SP3: variants seen among roughly 807,000 people sequenced by gnomAD.
SP3 encodes the protein Sp3 transcription factor, also known as transcription factor Sp3.
A neutral mutation model predicts 70.3 loss-of-function variants in SP3; 10 were observed. That is an observed-to-expected ratio of 0.14 (90% CI 0.09 to 0.24). The LOEUF (loss-of-function observed/expected upper bound fraction) is 0.24. Among genes scored for constraint, SP3 ranks in the 10% least tolerant of loss-of-function variants. The probability of loss-of-function intolerance (pLI) is 1.00; values close to 1 mark genes in which losing one functional copy is unlikely to be tolerated. For synonymous variants in SP3, 402 were observed against 333.5 expected, an observed-to-expected ratio of 1.21 and a Z score of -2.24; for missense variants, 825 against 914.6, an observed-to-expected ratio of 0.90 and a Z score of 1.26.
rs1440463270 is a variant in SP3, at chr2:173,931,045, CAT to C, written c.1640-12262_1640-12261del. Among the ~76,000 whole-genome samples, 17 of 152,230 alleles carry C rather than the reference CAT, an allele frequency of 1.1e-4. No homozygotes were observed. In the East Asian group the frequency reaches 2.9e-3, roughly 26 times the overall value. On this transcript the variant is annotated intron_variant, in intron 4 of 6. Transcript: ENST00000310015. ...CACACATTTTTTTGGTTTCCCAGTA[CAT>C]ATGTTTATACTATACTGCAGTCTAT...
rs550546168 is a variant in SP3, at chr2:173,912,917, T to C, written c.2029+153A>G. ...CTGACTTGTTCTTTGGAATTTGTGT[T>C]ATTAAGATGGTGTTACTAAAGGTAA... On this transcript the variant is annotated intron_variant, in intron 6 of 6. Coordinates refer to ENST00000310015, the MANE Select transcript of SP3 (RefSeq NM_003111.5). Among the ~76,000 whole-genome samples, 221 of 152,274 alleles carry C rather than the reference T, an allele frequency of 1.5e-3. 1 individual carries two copies. The highest frequency in any genetic ancestry group is 2.5e-3 in the Non-Finnish European group (170 of 68,022).
At chr2:173,938,198 T>C (rs1021435411) in intron 4 of SP3, among the ~76,000 whole-genome samples, 6 of 152,156 alleles carry the variant, frequency 3.9e-5, no homozygotes, top group Non-Finnish European at 7.3e-5. Flanking sequence ...TGAACAAAGT[T>C]ATAATCCCAG....
chr2:173,937,399 A>T (rs1301455168), intron 4 of SP3, among the ~76,000 whole-genome samples: 1 of 152,190 alleles, frequency 6.6e-6, no homozygotes, highest in African/African-American at 2.4e-5. Context: ...TCAAAACTTC[A>T]TCTTCAAGGC....
chr2:173,951,213 C>A (rs2105493714), intron 4 of SP3, among the ~76,000 whole-genome samples: 1 of 152,268 alleles, frequency 6.6e-6, no homozygotes, highest in African/African-American at 2.4e-5. Flanking sequence ...ATTTTGTACA[C>A]ACATTAAAAA....
intron 3 of SP3, among the ~76,000 whole-genome samples, chr2:173,958,618 G>T (rs1355052309): frequency 6.9e-6 from 1 of 145,266 alleles, no homozygotes; most frequent in Non-Finnish European, 1.5e-5. Flanking sequence ...TTAAGGAAAA[G>T]AATCAAGCAA....
rs1445785953 is a variant in SP3, at chr2:173,904,435, C to G, written c.*5506G>C. Among the ~76,000 whole-genome samples the G allele has an allele frequency of 6.6e-6, 1 of 152,166 alleles. No homozygotes were observed. Among genetic ancestry groups the G allele is most frequent in the Non-Finnish European group, 1.5e-5 (1 of 68,026 alleles). On this transcript the variant is annotated 3_prime_UTR_variant, in exon 7 of 7. Transcript: ENST00000310015. Reference sequence around the variant, plus strand: ...AAGAAAAAACTAAGTTGGGGAGTCTCTCTGTAAGGTTTTAAGGCTATCTTG... The same window carrying G: ...AAGAAAAAACTAAGTTGGGGAGTCTGTCTGTAAGGTTTTAAGGCTATCTTG...
At chr2:173,926,472 T>C (rs1291654671) in intron 4 of SP3, among the ~76,000 whole-genome samples, 1 of 151,896 alleles carries the variant, frequency 6.6e-6, no homozygotes, top group Non-Finnish European at 1.5e-5. Flanking sequence ...AAAAGCCCTG[T>C]CTTTCAACAG....
At position 173,963,830 on chromosome 2, in the gene SP3, C is replaced by T. The variant is rs761774120; in HGVS notation, c.210G>A (p.Gly70=). The T allele has an allele frequency of 1.3e-6, 2 of 1,494,478 alleles. No individual in the cohort carries two copies. The highest frequency in any genetic ancestry group is 1.8e-6 in the Non-Finnish European group (2 of 1,116,908). The allele number at this position is 1,494,478 out of a possible 1,614,324, so 92.6% of individuals were successfully genotyped here. The change falls in exon 3 of 7, where the codon GGG becomes GGA. Residue 70 remains glycine (G), a synonymous_variant. Coordinates refer to ENST00000310015, the MANE Select transcript of SP3 (RefSeq NM_003111.5). ...ALLAATCSKI[G]PPSPGDDEEE... is the part of the protein sequence containing the mutation. Reference sequence around the variant, plus strand: ...CCTCGTCGTCGCCCGGCGATGGCGGCCCTATCTTGCTGCAGGTAGCGGCCA... The same window carrying T: ...CCTCGTCGTCGCCCGGCGATGGCGGTCCTATCTTGCTGCAGGTAGCGGCCA...
chr2:173,914,042 A>C (rs1689561459), intron 5 of SP3: 1 of 152,200 alleles, frequency 6.6e-6, no homozygotes, highest in Admixed American at 6.5e-5. Flanking sequence ...AGGGTTTAGA[A>C]GATATGAGAT....
rs771502504 is a variant in SP3 at position 173,918,793 on chromosome 2, GA to G, written c.1640-9del. On this transcript the variant is annotated splice_polypyrimidine_tract_variant and intron_variant, in intron 4 of 6. Transcript: ENST00000310015. ...CTTCCTTGATCCTAATATCTAAAGG[GA>G]AAAAAAAACCAAATACAGATGAGAA... 41 of 1,555,014 alleles carry G rather than the reference GA, an allele frequency of 2.6e-5. No homozygotes were observed. Among genetic ancestry groups the G allele is most frequent in the Admixed American group, 9.7e-5 (5 of 51,428 alleles).
chr2:173,919,019 C>A (rs986177296), intron 4 of SP3, among the ~76,000 whole-genome samples: 1 of 152,076 alleles, frequency 6.6e-6, no homozygotes. Context: ...TTAATTAGTT[C>A]ATATGTCCCT....
At chr2:173,922,586 C>T (rs771941430) in intron 4 of SP3, among the ~76,000 whole-genome samples, 19 of 151,820 alleles carry the variant, frequency 1.3e-4, no homozygotes, top group Non-Finnish European at 2.2e-4. Context: ...CCAAAATTAA[C>T]AAGCAGAGAC....
intron 3 of SP3, among the ~76,000 whole-genome samples, chr2:173,958,206 A>C (rs1198090609): frequency 6.6e-6 from 1 of 151,936 alleles, no homozygotes; most frequent in Non-Finnish European, 1.5e-5. Context: ...ATTTTATGAT[A>C]CTGGCATTTT....
At chr2:173,962,541 TA>T (rs1003509468) in intron 3 of SP3, among the ~76,000 whole-genome samples, 2 of 152,208 alleles carry the variant, frequency 1.3e-5, no homozygotes, top group African/African-American at 4.8e-5. Flanking sequence ...TTTTACATGT[TA>T]ATCTGCTTAT....
At chr2:173,941,177 T>C (rs1156729031) in intron 4 of SP3, among the ~76,000 whole-genome samples, 2 of 151,792 alleles carry the variant, frequency 1.3e-5, no homozygotes, top group South Asian at 2.1e-4. Context: ...TAAATCCTCT[T>C]CACCTTTTAA....
chr2:173,956,024 C>G lies in SP3; in HGVS notation c.488G>C (p.Gly163Ala). The change falls in exon 4 of 7, where the codon GGT (glycine) becomes GCT (alanine). Residue 163 changes from glycine to alanine, a missense_variant. This residue lies in a region of SP3 where 678 missense variants were observed against 651.6 expected (regional missense o/e 1.04). Transcript: ENST00000310015. ...SVAPGSDSSN[G>A]TVSSVQYQVI... ...TTGATATTGAACACTGGACACTGTA[C>G]CATTTGATGAATCTGATCCTGGTGC... The G allele has an allele frequency of 6.2e-7, 1 of 1,614,134 alleles. No individual in the cohort carries two copies.
intron 1 of SP3, 71 bp downstream of exon 1, chr2:173,965,094 C>T: frequency 1.4e-5 from 21 of 1,541,176 alleles, no homozygotes; most frequent in Non-Finnish European, 1.8e-5. Context: ...GGCAGCGGCC[C>T]CGGGCTGGCT....
At position 173,963,675 on chromosome 2, in the gene SP3, C is replaced by A. The variant is rs1691161403; in HGVS notation, c.279+86G>T. Reference sequence around the variant, plus strand: ...TGCGGGTCGGGGGAAGCGCGGGCGCCGGGGAGGCCTTTTGGGCAGGCGCGC... The same window carrying A: ...TGCGGGTCGGGGGAAGCGCGGGCGCAGGGGAGGCCTTTTGGGCAGGCGCGC... On this transcript the variant is annotated intron_variant, in intron 3 of 6. Transcript: ENST00000310015. 3 of 388,658 alleles carry A rather than the reference C, an allele frequency of 7.7e-6. No homozygotes were observed. In the South Asian group the frequency reaches 3.0e-4, roughly 39 times the overall value. 24.1% of individuals were successfully genotyped at this position (388,658 alleles called of 1,614,324 possible). A position where few individuals can be genotyped will look rare whatever the true frequency, so the allele number is the denominator to read the frequency against.
intron 4 of SP3, among the ~76,000 whole-genome samples, chr2:173,952,531 T>A (rs1370436162): frequency 6.6e-6 from 1 of 152,174 alleles, no homozygotes; most frequent in African/African-American, 2.4e-5. Flanking sequence ...TAAACCCAAT[T>A]GCCATATAAC....
Sources: allele counts gnomAD v4.1 joint callset (sites outside exome capture counted in the v4.1 genomes callset), GRCh38; gene constraint gnomAD v4.1.1; regional missense constraint gnomAD v4.1.1; transcripts MANE v1.5; gene names NCBI Gene and HGNC (gene_info 2026-07-23, HGNC 2026-07-21).